The following MDFI variants were observed in gnomAD, a reference collection of about 807,000 sequenced individuals.
The protein encoded by MDFI is MyoD family inhibitor.
MDFI carries 16 observed loss-of-function variants against 22.3 expected under a neutral mutation model. That is an observed-to-expected ratio of 0.72 (90% CI 0.49 to 1.09). The LOEUF (loss-of-function observed/expected upper bound fraction) is 1.09. Among genes scored for constraint, MDFI ranks in the 50% least tolerant of loss-of-function variants. The probability of loss-of-function intolerance (pLI) is 0.00; values close to 1 mark genes in which losing one functional copy is unlikely to be tolerated. For missense variants in MDFI, 314 were observed against 326.1 expected (o/e 0.96, Z 0.29); for synonymous variants, 145 against 142.7 (o/e 1.02, Z -0.12).
Position 41,654,118 on chromosome 6 carries a change from G to A in MDFI, c.*543G>A, listed in dbSNP as rs375592320. 7 of 170,914 alleles carry A rather than the reference G, an allele frequency of 4.1e-5. No homozygotes were observed. In the South Asian group the frequency reaches 7.0e-4, roughly 17 times the overall value. The allele number at this position is 170,914 out of a possible 1,614,324, so 10.6% of individuals were successfully genotyped here. A position where few individuals can be genotyped will look rare whatever the true frequency, so the allele number is the denominator to read the frequency against. Reference sequence around the variant, plus strand: ...CCACGCAGTGACCCCAGAGGGCAGGGCTAGGCGAGAGCCTGGGGTGGGGCG... The same window carrying A: ...CCACGCAGTGACCCCAGAGGGCAGGACTAGGCGAGAGCCTGGGGTGGGGCG... On this transcript the variant is annotated 3_prime_UTR_variant, in exon 5 of 5. Transcript: ENST00000230321.
chr6:41,653,592 A>G lies in MDFI; in HGVS notation c.*17A>G. The G allele has an allele frequency of 1.3e-6, 2 of 1,598,108 alleles. No individual in the cohort carries two copies. Among genetic ancestry groups the G allele is most frequent in the South Asian group, 1.1e-5 (1 of 91,042 alleles). The stretch of plus-strand genomic sequence containing the variant: ...TCCTCCTGAGCCTCTGTCGGGGGCT[A>G]AGCCAGCCTGGCGCCCCTGCAGATT... On this transcript the variant is annotated 3_prime_UTR_variant, in exon 5 of 5. Transcript: ENST00000230321. The surrounding 1 kb of genome is among the most constrained non-coding windows in gnomAD (Gnocchi z 4.2).
At position 41,653,530 on chromosome 6, in the gene MDFI, C is replaced by T. The variant is rs976135936; in HGVS notation, c.696C>T (p.Cys232=). 4.4e-6 allele frequency: 7 copies of T among 1,601,438 alleles called. No individual in the cohort carries two copies. In the African/African-American group the frequency reaches 9.3e-5, roughly 21 times the overall value. Residue 232 remains cysteine (C), a synonymous_variant, in exon 5 of 5, where the codon TGC becomes TGT. Coordinates refer to ENST00000230321, the MANE Select transcript of MDFI (RefSeq NM_005586.4). This position sits in a 1 kb window ranked among gnomAD's most constrained non-coding sequence, Gnocchi z 4.2. The part of the protein sequence containing the change: ...ILDACCESAD[C]LEICMECCGL... ...ATGCCTGCTGCGAGTCCGCGGACTG[C>T]CTGGAGATCTGCATGGAGTGCTGTG...
chr6:41,638,491 A>G lies in MDFI; in HGVS notation c.-173A>G. Reference sequence around the variant, plus strand: ...GAAGAAGGAAGGGGCGAACGGCGTGAGCTGGCGCCGAAATGGGAGAAAGCA... The same window carrying G: ...GAAGAAGGAAGGGGCGAACGGCGTGGGCTGGCGCCGAAATGGGAGAAAGCA... On this transcript the variant is annotated 5_prime_UTR_variant, in exon 1 of 5. Transcript: ENST00000230321. The surrounding 1 kb of genome is among the most constrained non-coding windows in gnomAD (Gnocchi z 7.6). 1.9e-6 allele frequency: 1 copy of G among 515,436 alleles called. No individual in the cohort carries two copies. The highest frequency in any genetic ancestry group is 3.4e-6 in the Non-Finnish European group (1 of 293,934). 31.9% of individuals were successfully genotyped at this position (515,436 alleles called of 1,614,324 possible). A position where few individuals can be genotyped will look rare whatever the true frequency, so the allele number is the denominator to read the frequency against.
intron 4 of MDFI, among the ~76,000 whole-genome samples, chr6:41,652,608 CTTTT>C (rs3050047): frequency 3.6e-5 from 3 of 84,404 alleles, no homozygotes; most frequent in African/African-American, 9.6e-5. Flanking sequence ...CTCTCCCTCT[CTTTT>C]TTTTTTTTTT....
intron 2 of MDFI, among the ~76,000 whole-genome samples, chr6:41,643,540 G>A (rs6904859): frequency 0.062 from 3,970 of 63,732 alleles, 231 homozygotes; most frequent in African/African-American, 0.19. Flanking sequence ...GAGGGAAGGA[G>A]GGAAGGAGGG....
chr6:41,643,580 G>GGAAGGAAGGAAGGAAGGAA (rs1561829712), intron 2 of MDFI, among the ~76,000 whole-genome samples: 6 of 43,058 alleles, frequency 1.4e-4, no homozygotes, highest in African/African-American at 2.8e-4. Flanking sequence ...GAAGGAAGGA[G>GGAAGGAAGGAAGGAAGGAA]GGAGGGAGGG....
At chr6:41,641,396 G>A (rs1408203761) in intron 2 of MDFI, among the ~76,000 whole-genome samples, 1 of 152,228 alleles carries the variant, frequency 6.6e-6, no homozygotes, top group Non-Finnish European at 1.5e-5. Context: ...GCTTGGTCCA[G>A]GATGAGTTGG....
rs1289061067 is a variant in MDFI, at chr6:41,652,977, C to T, written c.485-342C>T. ...GTGGGGCTAGTAAAGGCCCCTGCCTCATAGATTCATTGGAGGCCTAAATGA... is the reference window on the plus strand; with the variant it reads ...GTGGGGCTAGTAAAGGCCCCTGCCTTATAGATTCATTGGAGGCCTAAATGA... On this transcript the variant is annotated intron_variant, in intron 4 of 4. Transcript: ENST00000230321. Among the ~76,000 whole-genome samples, 5 of 152,166 alleles carry T rather than the reference C, an allele frequency of 3.3e-5. No homozygotes were observed. In the East Asian group the frequency reaches 7.7e-4, roughly 23 times the overall value.
chr6:41,638,791 G>A lies in MDFI; in HGVS notation c.42G>A (p.Ala14=), dbSNP rs759637455. 1.3e-5 allele frequency: 21 copies of A among 1,567,872 alleles called. No individual in the cohort carries two copies. Among genetic ancestry groups the A allele is most frequent in the Non-Finnish European group, 1.8e-5 (21 of 1,163,092 alleles). ...VSGQRPSGCD[A]PYGAPSAAPG... ...GCCAGCGCCCCTCTGGCTGCGACGC[G>A]CCCTATGGAGCCCCCAGCGCAGCCC... The change falls in exon 2 of 5, where the codon GCG becomes GCA. Residue 14 remains alanine, a synonymous_variant. Coordinates refer to ENST00000230321, the MANE Select transcript of MDFI (RefSeq NM_005586.4). This position sits in a 1 kb window ranked among gnomAD's most constrained non-coding sequence, Gnocchi z 7.6.
rs185736435 is a variant in MDFI, at chr6:41,646,620, A to G, written c.259+312A>G. Among the ~76,000 whole-genome samples, 476 of 152,302 alleles carry G rather than the reference A, an allele frequency of 3.1e-3. 5 individuals are homozygous for G. Among genetic ancestry groups the G allele is most frequent in the African/African-American group, 0.01 (432 of 41,570 alleles). Reference sequence around the variant, plus strand: ...GAGAGCTACGGGGCTGGGGTCCGGCAGGGAGCCAGGGCCTGATGCATCTCC... The same window carrying G: ...GAGAGCTACGGGGCTGGGGTCCGGCGGGGAGCCAGGGCCTGATGCATCTCC... On this transcript the variant is annotated intron_variant, in intron 3 of 4. Coordinates refer to ENST00000230321, the MANE Select transcript of MDFI (RefSeq NM_005586.4).
At chr6:41,650,278 C>T (rs1768219931) in intron 4 of MDFI, among the ~76,000 whole-genome samples, 1 of 152,180 alleles carries the variant, frequency 6.6e-6, no homozygotes, top group South Asian at 2.1e-4. Flanking sequence ...GGCAGGGCTG[C>T]AAGGTGCAGT....
chr6:41,642,235 C>T (rs1561828657), intron 2 of MDFI, among the ~76,000 whole-genome samples: 1 of 152,076 alleles, frequency 6.6e-6, no homozygotes, highest in Non-Finnish European at 1.5e-5. Context: ...GCAGATGGCA[C>T]CTACTAGGAG....
At chr6:41,647,858 C>T (rs7774607) in intron 3 of MDFI, among the ~76,000 whole-genome samples, 2,139 of 151,806 alleles carry the variant, frequency 0.014, 49 homozygotes, top group African/African-American at 0.047. Flanking sequence ...CTGGCTAACA[C>T]GGTGAAACCC....
intron 4 of MDFI, chr6:41,650,107 A>T: frequency 2.5e-6 from 1 of 398,176 alleles, no homozygotes; most frequent in Non-Finnish European, 4.3e-6. Context: ...CCACCTCCCC[A>T]CCCCACCCCA....
chr6:41,639,077 GAC>G (rs145284051), intron 2 of MDFI, among the ~76,000 whole-genome samples: 301 of 146,324 alleles, frequency 2.1e-3, no homozygotes, highest in East Asian at 0.017. Flanking sequence ...CCCGACACCA[GAC>G]ACACACACAC....
rs1768370867 is a variant in MDFI at position 41,653,638 on chromosome 6, G to A, written c.*63G>A. 3 of 1,583,416 alleles carry A rather than the reference G, an allele frequency of 1.9e-6. No individual in the cohort carries two copies. Among genetic ancestry groups the A allele is most frequent in the Admixed American group, 1.7e-5 (1 of 59,438 alleles). The stretch of plus-strand genomic sequence containing the variant: ...AGATTCCAGCAGGGTCCCTCTGAGT[G>A]GGGCCAGGCCCAGGACTGTCACACA... On this transcript the variant is annotated 3_prime_UTR_variant, in exon 5 of 5. Transcript: ENST00000230321. This position sits in a 1 kb window ranked among gnomAD's most constrained non-coding sequence, Gnocchi z 4.2.
At chr6:41,643,150 C>T (rs960315884) in intron 2 of MDFI, among the ~76,000 whole-genome samples, 4 of 152,200 alleles carry the variant, frequency 2.6e-5, no homozygotes, top group African/African-American at 9.6e-5. Flanking sequence ...CTCAACACCA[C>T]CCCGCAGCAT....
At chr6:41,640,358 G>T (rs1767806850) in intron 2 of MDFI, among the ~76,000 whole-genome samples, 1 of 152,172 alleles carries the variant, frequency 6.6e-6, no homozygotes, top group Non-Finnish European at 1.5e-5. Flanking sequence ...AGCTCCAGCA[G>T]CAAGAGGAGA....
At chr6:41,641,936 C>T (rs1767866282) in intron 2 of MDFI, among the ~76,000 whole-genome samples, 2 of 152,158 alleles carry the variant, frequency 1.3e-5, no homozygotes, top group African/African-American at 2.4e-5. Flanking sequence ...GTGTGAGTCT[C>T]GGCCTTTCCT....
Sources: gnomAD v4.1 joint callset for allele counts (sites outside exome capture counted in the v4.1 genomes callset) on GRCh38, gnomAD v4.1.1 for gene constraint, Gnocchi (gnomAD v3.1) non-coding constraint, MANE v1.5 for transcripts, NCBI Gene and HGNC (gene_info 2026-07-23, HGNC 2026-07-21) for gene names.